Variants in CDK5RAP2 observed in about 807,000 individuals in gnomAD.
CDK5RAP2 encodes CDK5 regulatory subunit associated protein 2, also known as CDK5 regulatory subunit-associated protein 2.
A neutral mutation model predicts 232.9 loss-of-function variants in CDK5RAP2; 147 were observed. The observed-to-expected ratio is 0.63, with a 90% CI of 0.55 to 0.72. The LOEUF (loss-of-function observed/expected upper bound fraction) is 0.72, where lower values mean the gene tolerates loss of function less well. Ranked by LOEUF, CDK5RAP2 falls within the 30% of genes least tolerant of loss-of-function variation. CDK5RAP2 has a pLI of 0.00. For synonymous variants in CDK5RAP2, 833 were observed against 833.7 expected, an observed-to-expected ratio of 1.00 and a Z score of 0.01; for missense variants, 2,195 against 2,231.5, an observed-to-expected ratio of 0.98 and a Z score of 0.33.
chr9:120,462,205 T>C (rs2037129348), intron 18 of CDK5RAP2, among the ~76,000 whole-genome samples: 1 of 152,318 alleles, frequency 6.6e-6, no homozygotes, highest in South Asian at 2.1e-4. Flanking sequence ...TGAAACAGAC[T>C]AGACGTGCAT....
At chr9:120,427,510 T>G (rs1261143763) in intron 25 of CDK5RAP2, among the ~76,000 whole-genome samples, 1 of 152,088 alleles carries the variant, frequency 6.6e-6, no homozygotes, top group Non-Finnish European at 1.5e-5. Flanking sequence ...ACTCCAAAGG[T>G]CTTGTTCTTT....
intron 12 of CDK5RAP2, among the ~76,000 whole-genome samples, chr9:120,502,839 C>T (rs1424755530): frequency 1.3e-5 from 2 of 151,960 alleles, no homozygotes; most frequent in Non-Finnish European, 2.9e-5. Flanking sequence ...GAGTATAGAC[C>T]GCTTCTCTTA....
intron 12 of CDK5RAP2, 49 bp from the exon 13 acceptor site, chr9:120,491,526 T>C: frequency 1.5e-6 from 2 of 1,361,658 alleles, no homozygotes; most frequent in Non-Finnish European, 2.1e-6. Context: ...AAAATTTCAA[T>C]CTCTTATGTG....
chr9:120,446,604 A>C (rs1021129127), intron 22 of CDK5RAP2, among the ~76,000 whole-genome samples: 1 of 152,152 alleles, frequency 6.6e-6, no homozygotes, highest in Non-Finnish European at 1.5e-5. Context: ...AATCTTACCA[A>C]GTAAAAGAGT....
At chr9:120,570,057 A>G (rs1009676798) in intron 2 of CDK5RAP2, among the ~76,000 whole-genome samples, 1 of 152,200 alleles carries the variant, frequency 6.6e-6, no homozygotes, top group African/African-American at 2.4e-5. Flanking sequence ...TGAGTCTTAA[A>G]GAGGGAGCAA....
At chr9:120,498,120 G>C (rs1358207431) in intron 12 of CDK5RAP2, among the ~76,000 whole-genome samples, 2 of 152,164 alleles carry the variant, frequency 1.3e-5, no homozygotes, top group Non-Finnish European at 2.9e-5. Flanking sequence ...CACAGCTGTG[G>C]ATCACGTGCT....
intron 25 of CDK5RAP2, among the ~76,000 whole-genome samples, chr9:120,434,063 G>A (rs2035434327): frequency 1.3e-5 from 2 of 152,316 alleles, no homozygotes; most frequent in Admixed American, 6.5e-5. Context: ...GATGGTTACG[G>A]GTAGTAAACA....
At chr9:120,450,332 C>T (rs1447153951) in intron 21 of CDK5RAP2, among the ~76,000 whole-genome samples, 2 of 152,060 alleles carry the variant, frequency 1.3e-5, no homozygotes, top group African/African-American at 2.4e-5. Context: ...AAAGTAGATT[C>T]GTGGTTGCCT....
At chr9:120,506,414 C>A (rs955339242) in intron 12 of CDK5RAP2, among the ~76,000 whole-genome samples, 1 of 152,222 alleles carries the variant, frequency 6.6e-6, no homozygotes, top group African/African-American at 2.4e-5. Flanking sequence ...TGTTTTCATG[C>A]CTGCTAACAC....
At chr9:120,392,160 G>A (rs56765600) in intron 36 of CDK5RAP2, among the ~76,000 whole-genome samples, 4 of 152,256 alleles carry the variant, frequency 2.6e-5, no homozygotes, top group Middle Eastern at 3.4e-3. Flanking sequence ...CTCTGCCCCC[G>A]AGACTGTGCT....
chr9:120,487,188 AC>A, intron 14 of CDK5RAP2, 105 bp downstream of exon 14: 1 of 1,261,106 alleles, frequency 7.9e-7, no homozygotes, highest in Non-Finnish European at 1.2e-6. Flanking sequence ...TCAGTTACCA[AC>A]AAGAAGGCAT....
At chr9:120,471,646 G>A in intron 16 of CDK5RAP2, 102 bp downstream of exon 16, 2 of 1,530,214 alleles carry the variant, frequency 1.3e-6, no homozygotes, top group Non-Finnish European at 1.8e-6. Context: ...GAAACCCCGT[G>A]TATGCTTCAT....
At chr9:120,552,548 G>A (rs1253787195) in intron 3 of CDK5RAP2, among the ~76,000 whole-genome samples, 3 of 151,942 alleles carry the variant, frequency 2.0e-5, no homozygotes, top group Non-Finnish European at 4.4e-5. Context: ...TTGTAGGGAC[G>A]TGGATGAAGC....
chr9:120,497,425 A>AAAAC, intron 12 of CDK5RAP2, among the ~76,000 whole-genome samples: 1 of 73,788 alleles, frequency 1.4e-5, no homozygotes, highest in Non-Finnish European at 4.3e-5. Context: ...TAAATTTAAA[A>AAAAC]AAAAAAAAAA....
chr9:120,558,882 TTTA>T (rs1367128011), intron 3 of CDK5RAP2, among the ~76,000 whole-genome samples: 2 of 152,230 alleles, frequency 1.3e-5, no homozygotes, highest in African/African-American at 2.4e-5. Flanking sequence ...TCTTTGCATG[TTTA>T]TTATTATCAT....
chr9:120,469,877 A>G (rs1010255205), intron 17 of CDK5RAP2, among the ~76,000 whole-genome samples: 1 of 152,170 alleles, frequency 6.6e-6, no homozygotes, highest in African/African-American at 2.4e-5. Context: ...GGGGCCAGAG[A>G]GCTTTTCCTC....
At chr9:120,564,180 A>T (rs7028134) in intron 3 of CDK5RAP2, among the ~76,000 whole-genome samples, 131,554 of 152,102 alleles carry the variant, frequency 0.86, 57,524 homozygotes, top group Non-Finnish European at 0.93. Flanking sequence ...AAAAAAAGAA[A>T]CACTCGGCGA....
intron 3 of CDK5RAP2, among the ~76,000 whole-genome samples, chr9:120,568,070 A>G (rs2132174037): frequency 6.6e-6 from 1 of 152,326 alleles, no homozygotes; most frequent in South Asian, 2.1e-4. Context: ...TGAAAACCAA[A>G]GTTGAAAACC....
intron 1 of CDK5RAP2, among the ~76,000 whole-genome samples, chr9:120,577,437 G>GAGTTACTGTTTTAACAGGGACAC (rs2043078632): frequency 6.6e-6 from 1 of 152,110 alleles, no homozygotes; most frequent in African/African-American, 2.4e-5. Context: ...GGGGAATAGG[G>GAGTTACTGTTTTAACAGGGACAC]AGTTACTGTT....
Sources: allele counts gnomAD v4.1 joint callset (sites outside exome capture counted in the v4.1 genomes callset), GRCh38; gene constraint gnomAD v4.1.1; transcripts MANE v1.5; gene names NCBI Gene and HGNC (gene_info 2026-07-23, HGNC 2026-07-21).